Variants in DCBLD1 observed in about 807,000 individuals in gnomAD.
The protein encoded by DCBLD1 is discoidin, CUB and LCCL domain-containing protein 1.
In DCBLD1, 57 loss-of-function variants were observed where a neutral mutation model predicts 71.5. The observed-to-expected ratio is 0.80, with a 90% CI of 0.64 to 0.99. The LOEUF (loss-of-function observed/expected upper bound fraction) is 0.99, where lower values mean the gene tolerates loss of function less well. DCBLD1 is among the 50% of genes least tolerant of loss of function. The pLI is 0.00. For synonymous variants in DCBLD1, 380 were observed against 363.8 expected, an observed-to-expected ratio of 1.04 and a Z score of -0.51; for missense variants, 891 against 923.5, an observed-to-expected ratio of 0.96 and a Z score of 0.46.
rs1287466998 is a variant in DCBLD1, at chr6:117,548,490, G to A, written c.*51G>A. 2 of 1,545,628 alleles carry A rather than the reference G, an allele frequency of 1.3e-6. No individual in the cohort carries two copies. The highest frequency in any genetic ancestry group is 1.7e-6 in the Non-Finnish European group (2 of 1,146,300). ...GGTACTGAGCGTCGGGCTGTCACAA[G>A]GCACTGGAAGAAGGGAGCCTGCTGG... On this transcript the variant is annotated 3_prime_UTR_variant, in exon 15 of 15. Transcript: ENST00000338728.
chr6:117,507,321 A>C (rs1283722788), intron 2 of DCBLD1, among the ~76,000 whole-genome samples: 1 of 152,334 alleles, frequency 6.6e-6, no homozygotes, highest in African/African-American at 2.4e-5. Flanking sequence ...AACAACTTTC[A>C]CAGTAATCCA....
chr6:117,546,434 C>T (rs901330372), intron 14 of DCBLD1, among the ~76,000 whole-genome samples: 1 of 152,124 alleles, frequency 6.6e-6, no homozygotes, highest in African/African-American at 2.4e-5. Flanking sequence ...CTAGAAGCTC[C>T]CAGGTGACGC....
intron 14 of DCBLD1, among the ~76,000 whole-genome samples, chr6:117,547,434 G>A (rs1428632539): frequency 6.6e-6 from 1 of 152,172 alleles, no homozygotes; most frequent in Admixed American, 6.5e-5. Flanking sequence ...ATAAATGGGA[G>A]CTCCTGGCAT....
rs547529552 is a variant in DCBLD1, at chr6:117,556,303, A to G, written c.1615+10706A>G. Among the ~76,000 whole-genome samples the G allele has an allele frequency of 5.3e-5, 8 of 152,226 alleles. No individual in the cohort carries two copies. The South Asian group carries it at 1.7e-3, about 32-fold the overall frequency. ...GCGTAGTGGTGGAGTTTGGGCTTTT[A>G]GTGTAACCATCACCTGAATACTGAA... is the stretch of plus-strand genomic sequence containing the variant. On this transcript the variant is annotated intron_variant, in intron 14 of 14. Transcript: ENST00000296955.
In DCBLD1 at chr6:117,548,695, G is replaced by C. The variant is rs1411636420; in HGVS notation, c.*256G>C. On this transcript the variant is annotated 3_prime_UTR_variant, in exon 15 of 15. Transcript: ENST00000338728. The stretch of plus-strand genomic sequence containing the variant: ...AGAAAAATGAAAATTTTCAGATGGC[G>C]TTTTCATTCCTCTGACTGATATTGA... 7.2e-7 allele frequency: 1 copy of C among 1,394,114 alleles called. No individual in the cohort carries two copies. The highest frequency in any genetic ancestry group is 2.7e-5 in the East Asian group (1 of 36,418). 86.4% of individuals were successfully genotyped at this position (1,394,114 alleles called of 1,614,324 possible). A position where few individuals can be genotyped will look rare whatever the true frequency, so the allele number is the denominator to read the frequency against.
chr6:117,548,683 T>C lies in DCBLD1; in HGVS notation c.*244T>C. 1 of 1,410,184 alleles carries C rather than the reference T, an allele frequency of 7.1e-7. No individual in the cohort carries two copies. Among genetic ancestry groups the C allele is most frequent in the Non-Finnish European group, 9.2e-7 (1 of 1,087,990 alleles). The allele number at this position is 1,410,184 out of a possible 1,614,324, so 87.4% of individuals were successfully genotyped here. A position where few individuals can be genotyped will look rare whatever the true frequency, so the allele number is the denominator to read the frequency against. The stretch of plus-strand genomic sequence containing the variant: ...TTTTGTTGGGCTAGAAAAATGAAAA[T>C]TTTCAGATGGCGTTTTCATTCCTCT... On this transcript the variant is annotated 3_prime_UTR_variant, in exon 15 of 15. Transcript: ENST00000338728.
At position 117,548,883 on chromosome 6, in the gene DCBLD1, A is replaced by C; in HGVS notation, c.*444A>C. 1 of 1,013,222 alleles carries C rather than the reference A, an allele frequency of 9.9e-7. No homozygotes were observed. The highest frequency in any genetic ancestry group is 1.2e-6 in the Non-Finnish European group (1 of 846,590). 62.8% of individuals were successfully genotyped at this position (1,013,222 alleles called of 1,614,324 possible). On this transcript the variant is annotated 3_prime_UTR_variant, in exon 15 of 15. Coordinates refer to ENST00000338728, the MANE Select transcript of DCBLD1 (RefSeq NM_001366458.2). ...ATAGTATGTTCATTTTTTTCAGTAT[A>C]TTATCTGATACTGTGTTAGCAGCAG...
intron 2 of DCBLD1, among the ~76,000 whole-genome samples, chr6:117,515,490 T>C (rs1366431971): frequency 2.0e-5 from 3 of 152,236 alleles, no homozygotes; most frequent in Admixed American, 6.5e-5. Context: ...CTTCACAATA[T>C]TCATCCTTAG....
downstream of DCBLD1, among the ~76,000 whole-genome samples, chr6:117,553,835 G>T (rs1051035999): frequency 6.6e-6 from 1 of 152,128 alleles, no homozygotes; most frequent in Non-Finnish European, 1.5e-5. Context: ...TCAAGAACTA[G>T]TATGGCCTAG....
At chr6:117,503,296 C>G (rs946358524) in intron 1 of DCBLD1, among the ~76,000 whole-genome samples, 2 of 152,204 alleles carry the variant, frequency 1.3e-5, no homozygotes, top group Non-Finnish European at 2.9e-5. Context: ...TGTAGCTAAA[C>G]AAAGTTACAT....
intron 2 of DCBLD1, among the ~76,000 whole-genome samples, chr6:117,510,769 C>T (rs1032075258): frequency 3.3e-5 from 5 of 152,142 alleles, no homozygotes; most frequent in African/African-American, 1.2e-4. Flanking sequence ...CCTCTATAAA[C>T]ATTCCCTCTG....
At chr6:117,556,591 T>C (rs987024369) in intron 14 of DCBLD1, among the ~76,000 whole-genome samples, 3 of 152,244 alleles carry the variant, frequency 2.0e-5, no homozygotes, top group Non-Finnish European at 4.4e-5. Context: ...ATGGTATATA[T>C]TTACCACATT....
In DCBLD1 at chr6:117,482,678, C is replaced by T. The variant is rs554952405; in HGVS notation, c.-104C>T. On this transcript the variant is annotated 5_prime_UTR_variant, in exon 1 of 15. Coordinates refer to ENST00000338728, the MANE Select transcript of DCBLD1 (RefSeq NM_001366458.2). ...GCGGGGCAGCGACTGCGCCCCGTCCCGGCGCCGCGCTCGTCCGCAGAGGAG... is the reference window on the plus strand; with the variant it reads ...GCGGGGCAGCGACTGCGCCCCGTCCTGGCGCCGCGCTCGTCCGCAGAGGAG... 2 of 1,078,084 alleles carry T rather than the reference C, an allele frequency of 1.9e-6. No individual in the cohort carries two copies. Among genetic ancestry groups the T allele is most frequent in the South Asian group, 4.5e-5 (1 of 22,158 alleles). 66.8% of individuals were successfully genotyped at this position (1,078,084 alleles called of 1,614,324 possible). A position where few individuals can be genotyped will look rare whatever the true frequency, so the allele number is the denominator to read the frequency against.
At chr6:117,486,540 T>TA (rs1216538033) in intron 1 of DCBLD1, among the ~76,000 whole-genome samples, 23 of 152,372 alleles carry the variant, frequency 1.5e-4, no homozygotes, top group African/African-American at 5.3e-4. Flanking sequence ...CAGGCCTCTC[T>TA]AGCTGTTTGG....
downstream of DCBLD1, among the ~76,000 whole-genome samples, chr6:117,550,259 T>C (rs1407111873): frequency 6.6e-6 from 1 of 152,200 alleles, no homozygotes; most frequent in Non-Finnish European, 1.5e-5. Context: ...ACTTTTTTTT[T>C]TGGATCATCA....
chr6:117,487,677 T>C (rs570642051), intron 1 of DCBLD1, among the ~76,000 whole-genome samples: 4 of 152,286 alleles, frequency 2.6e-5, no homozygotes, highest in African/African-American at 9.6e-5. Flanking sequence ...AATGAAATTG[T>C]ATGTCTAATC....
intron 1 of DCBLD1, among the ~76,000 whole-genome samples, chr6:117,492,965 G>T (rs1174672578): frequency 6.6e-6 from 1 of 152,136 alleles, no homozygotes; most frequent in Non-Finnish European, 1.5e-5. Flanking sequence ...CCAGGTTTCA[G>T]AAATGCCATT....
At position 117,548,687 on chromosome 6, in the gene DCBLD1, C is replaced by T. The variant is rs9489217; in HGVS notation, c.*248C>T. The T allele has an allele frequency of 0.57, 796,091 of 1,400,810 alleles. 228,013 individuals are homozygous for T. Among genetic ancestry groups the T allele is most frequent in the South Asian group, 0.72 (45,696 of 63,246 alleles). The allele number at this position is 1,400,810 out of a possible 1,614,324, so 86.8% of individuals were successfully genotyped here. On this transcript the variant is annotated 3_prime_UTR_variant, in exon 15 of 15. Coordinates refer to ENST00000338728, the MANE Select transcript of DCBLD1 (RefSeq NM_001366458.2). ...GTTGGGCTAGAAAAATGAAAATTTT[C>T]AGATGGCGTTTTCATTCCTCTGACT...
intron 1 of DCBLD1, among the ~76,000 whole-genome samples, chr6:117,497,829 T>A (rs561180291): frequency 6.6e-6 from 1 of 152,324 alleles, no homozygotes; most frequent in East Asian, 1.9e-4. Context: ...AATTTGGTAG[T>A]TTTAATTATA....
Sources: gnomAD v4.1 joint callset for allele counts (sites outside exome capture counted in the v4.1 genomes callset) on GRCh38, gnomAD v4.1.1 for gene constraint, MANE v1.5 for transcripts, NCBI Gene and HGNC (gene_info 2026-07-23, HGNC 2026-07-21) for gene names.